Variants in CHST10 observed in about 807,000 individuals in gnomAD.
CHST10 encodes carbohydrate sulfotransferase 10, also known as HNK-1 sulfotransferase.
In CHST10, 24 loss-of-function variants were observed where a neutral mutation model predicts 34.7. The ratio of observed to expected loss-of-function variants is 0.69; its 90% CI spans 0.50 to 0.97. CHST10 has a LOEUF of 0.97. Among genes scored for constraint, CHST10 ranks in the 50% least tolerant of loss-of-function variants. The pLI is 0.00. For missense variants in CHST10, 402 were observed against 452.1 expected (o/e 0.89, Z 1.00); for synonymous variants, 161 against 169.3 (o/e 0.95, Z 0.38).
At chr2:100,398,201 C>T in intron 4 of CHST10, 59 bp from the exon 5 acceptor site, 1 of 1,235,530 alleles carries the variant, frequency 8.1e-7, no homozygotes, top group Non-Finnish European at 1.1e-6. Flanking sequence ...AGGACCGGGC[C>T]AAGCAGAGCC....
At chr2:100,408,964 AACAG>A (rs1228267588) in intron 2 of CHST10, among the ~76,000 whole-genome samples, 1 of 152,048 alleles carries the variant, frequency 6.6e-6, no homozygotes, top group African/African-American at 2.4e-5. Context: ...TGCAATTCTA[AACAG>A]ACAGGTCCTG....
chr2:100,413,289 C>A (rs1219653869), intron 2 of CHST10, among the ~76,000 whole-genome samples: 1 of 152,198 alleles, frequency 6.6e-6, no homozygotes, highest in Non-Finnish European at 1.5e-5. Flanking sequence ...AGCCCCTACA[C>A]GCCCTCCCTT....
At chr2:100,398,197 G>A (rs1270590398) in intron 4 of CHST10, 55 bp from the exon 5 acceptor site, 18 of 1,329,040 alleles carry the variant, frequency 1.4e-5, no homozygotes, top group South Asian at 1.2e-4. Flanking sequence ...AGGCAGGACC[G>A]GGCCAAGCAG....
At position 100,392,558 on chromosome 2, in the gene CHST10, G is replaced by C. The variant is rs565112616; in HGVS notation, c.*687C>G. Reference sequence around the variant, plus strand: ...CTTGTGCTGAATGAAATAGGCGCTTGGCAGACACAGGTTCAGAAGCATGGA... The same window carrying C: ...CTTGTGCTGAATGAAATAGGCGCTTCGCAGACACAGGTTCAGAAGCATGGA... On this transcript the variant is annotated 3_prime_UTR_variant, in exon 7 of 7. Transcript: ENST00000264249. The C allele has an allele frequency of 6.5e-6, 1 of 152,790 alleles. No individual in the cohort carries two copies. The highest frequency in any genetic ancestry group is 2.4e-5 in the African/African-American group (1 of 41,554). The allele number at this position is 152,790 out of a possible 1,614,324, so 9.5% of individuals were successfully genotyped here. A position where few individuals can be genotyped will look rare whatever the true frequency, so the allele number is the denominator to read the frequency against.
chr2:100,405,518 T>C (rs1197864887), intron 3 of CHST10, among the ~76,000 whole-genome samples: 1 of 152,130 alleles, frequency 6.6e-6, no homozygotes, highest in Non-Finnish European at 1.5e-5. Context: ...GGGCAGTCCT[T>C]GACACAGCCA....
Position 100,398,074 on chromosome 2 carries a change from G to T in CHST10, c.261C>A (p.Leu87=). Reference sequence around the variant, plus strand: ...CATCATCCCTGCAGACGTTTCTGATGAGTTCCAGGCGCTCCATGTAGACCA... The same window carrying T: ...CATCATCCCTGCAGACGTTTCTGATTAGTTCCAGGCGCTCCATGTAGACCA... The part of the protein sequence containing the change: ...QPLVYMERLE[L]IRNVCRDDAL... Residue 87 remains leucine, a synonymous_variant, in exon 5 of 7, where the codon CTC becomes CTA. Transcript: ENST00000264249. The T allele has an allele frequency of 6.2e-7, 1 of 1,614,176 alleles. No homozygotes were observed. Among genetic ancestry groups the T allele is most frequent in the South Asian group, 1.1e-5 (1 of 91,086 alleles).
At chr2:100,398,501 C>T (rs1437780924) in intron 4 of CHST10, among the ~76,000 whole-genome samples, 5 of 152,126 alleles carry the variant, frequency 3.3e-5, no homozygotes, top group East Asian at 1.9e-4. Flanking sequence ...GTCAGGAGTT[C>T]GAGATCAGCC....
intron 6 of CHST10, among the ~76,000 whole-genome samples, chr2:100,394,197 G>T (rs143831615): frequency 3.9e-5 from 6 of 152,242 alleles, no homozygotes; most frequent in Non-Finnish European, 8.8e-5. Flanking sequence ...TACTTTAAGG[G>T]CATATTTTTA....
rs1675152360 is a variant in CHST10 at position 100,398,046 on chromosome 2, G to A, written c.289C>T (p.Leu97=). The part of the protein sequence containing the change: ...LIRNVCRDDA[L]KNLSHTPVSK... ...ACAGGAGTGTGCGAGAGATTCTTCA[G>A]GGCATCATCCCTGCAGACGTTTCTG... Residue 97 remains leucine, a synonymous_variant, in exon 5 of 7, where the codon CTG becomes TTG. Transcript: ENST00000264249. 2 of 1,614,162 alleles carry A rather than the reference G, an allele frequency of 1.2e-6. No individual in the cohort carries two copies. The highest frequency in any genetic ancestry group is 1.7e-6 in the Non-Finnish European group (2 of 1,180,024).
intron 6 of CHST10, among the ~76,000 whole-genome samples, chr2:100,394,326 G>A (rs1161432452): frequency 6.6e-6 from 1 of 152,172 alleles, no homozygotes; most frequent in African/African-American, 2.4e-5. Flanking sequence ...GCAGAGCATG[G>A]CCCTGGGGAG....
At chr2:100,414,362 T>TCACACACA (rs370903480) in intron 2 of CHST10, among the ~76,000 whole-genome samples, 1 of 150,260 alleles carries the variant, frequency 6.7e-6, no homozygotes, top group African/African-American at 2.4e-5. Context: ...AAAGGAAACT[T>TCACACACA]CACACACACA....
Position 100,395,580 on chromosome 2 carries a change from G to A in CHST10, c.462C>T (p.Asn154=), listed in dbSNP as rs1487033030. The A allele has an allele frequency of 2.2e-5, 35 of 1,613,942 alleles. No homozygotes were observed. Among genetic ancestry groups the A allele is most frequent in the Admixed American group, 1.5e-4 (9 of 59,998 alleles). The change falls in exon 6 of 7, where the codon AAC becomes AAT. Residue 154 remains asparagine (N), a synonymous_variant. Transcript: ENST00000264249. ...CGTTCTTCTCGTGGTCGTGCACCACGTTTTCGGGGATCTCCTCAATGGAAG... is the reference window on the plus strand; with the variant it reads ...CGTTCTTCTCGTGGTCGTGCACCACATTTTCGGGGATCTCCTCAATGGAAG... ...AFSSIEEIPE[N]VVHDHEKNGL...
intron 2 of CHST10, among the ~76,000 whole-genome samples, chr2:100,407,064 A>T (rs1675609823): frequency 6.6e-6 from 1 of 152,180 alleles, no homozygotes; most frequent in Admixed American, 6.5e-5. Flanking sequence ...ATGGTCTGGA[A>T]GCAGGTGGCA....
At chr2:100,393,899 A>G in intron 6 of CHST10, 117 bp from the exon 7 acceptor site, 1 of 764,474 alleles carries the variant, frequency 1.3e-6, no homozygotes, top group Non-Finnish European at 2.1e-6. Flanking sequence ...TCACGTGCCG[A>G]GGCTGCCATG....
rs542953859 is a variant in CHST10 at position 100,395,488 on chromosome 2, C to T, written c.533+21G>A. The stretch of plus-strand genomic sequence containing the variant: ...AGGTTTACAAAAACTCCCCCCTCCC[C>T]TTTGAGGAAGCTGTTCTCACCGCTT... On this transcript the variant is annotated intron_variant, in intron 6 of 6. Coordinates refer to ENST00000264249, the MANE Select transcript of CHST10 (RefSeq NM_004854.5). The T allele has an allele frequency of 2.5e-6, 4 of 1,603,490 alleles. No homozygotes were observed. The South Asian group carries it at 3.3e-5, about 13-fold the overall frequency.
intron 2 of CHST10, among the ~76,000 whole-genome samples, chr2:100,410,921 A>G (rs1398941206): frequency 6.6e-6 from 1 of 152,178 alleles, no homozygotes; most frequent in Non-Finnish European, 1.5e-5. Context: ...TAAACAAAAA[A>G]GACAAGTTGC....
At chr2:100,406,537 A>C in intron 3 of CHST10, 39 bp downstream of exon 3, 1 of 1,611,998 alleles carries the variant, frequency 6.2e-7, no homozygotes, top group Non-Finnish European at 8.5e-7. Context: ...AGCTAGGTCT[A>C]AATTAGCCAA....
At chr2:100,406,171 C>T (rs1448655442) in intron 3 of CHST10, among the ~76,000 whole-genome samples, 1 of 152,166 alleles carries the variant, frequency 6.6e-6, no homozygotes, top group African/African-American at 2.4e-5. Context: ...CATGTGGCCA[C>T]CACACGGGCA....
At chr2:100,399,005 T>C (rs971526846) in intron 4 of CHST10, among the ~76,000 whole-genome samples, 5 of 152,014 alleles carry the variant, frequency 3.3e-5, no homozygotes, top group African/African-American at 9.7e-5. Context: ...CATTCCTGAA[T>C]AGCAGGGCAG....
Sources: allele counts gnomAD v4.1 joint callset (sites outside exome capture counted in the v4.1 genomes callset), GRCh38; gene constraint gnomAD v4.1.1; transcripts MANE v1.5; gene names NCBI Gene and HGNC (gene_info 2026-07-23, HGNC 2026-07-21).